The following ABCG2 variants were observed in gnomAD, a reference collection of about 807,000 sequenced individuals.
The protein encoded by ABCG2 is broad substrate specificity ATP-binding cassette transporter ABCG2.
A neutral mutation model predicts 73.5 loss-of-function variants in ABCG2; 80 were observed. The observed-to-expected ratio is 1.09, with a 90% CI of 0.91 to 1.31. The LOEUF is 1.31. Among genes scored for constraint, ABCG2 ranks in the 50% most tolerant of loss-of-function variants. The pLI is 0.00. For synonymous variants in ABCG2, 269 were observed against 282.4 expected, an observed-to-expected ratio of 0.95 and a Z score of 0.48; for missense variants, 796 against 786.2, an observed-to-expected ratio of 1.01 and a Z score of -0.15.
intron 1 of ABCG2, among the ~76,000 whole-genome samples, chr4:88,149,743 C>T (rs755648897): frequency 3.3e-5 from 5 of 151,992 alleles, no homozygotes; most frequent in Non-Finnish European, 5.9e-5. Context: ...CCCAGCCACT[C>T]GGGAGGCTGA....
intron 9 of ABCG2, among the ~76,000 whole-genome samples, chr4:88,110,951 T>C (rs1441906963): frequency 6.6e-6 from 1 of 152,212 alleles, no homozygotes; most frequent in Non-Finnish European, 1.5e-5. Flanking sequence ...AGACTGCCAC[T>C]GCTCTGAACA....
At chr4:88,133,290 A>G (rs546620562) in intron 2 of ABCG2, among the ~76,000 whole-genome samples, 1 of 152,348 alleles carries the variant, frequency 6.6e-6, no homozygotes, top group East Asian at 1.9e-4. Context: ...AAATCTAATC[A>G]GCCCAAGAAA....
At chr4:88,176,455 A>T (rs989280829) in intron 1 of ABCG2, among the ~76,000 whole-genome samples, 4 of 150,572 alleles carry the variant, frequency 2.7e-5, no homozygotes, top group Non-Finnish European at 4.4e-5. Context: ...TAATAAATAC[A>T]GTAATGAAAC....
intron 1 of ABCG2, among the ~76,000 whole-genome samples, chr4:88,154,618 G>A (rs956522325): frequency 6.6e-6 from 1 of 152,124 alleles, no homozygotes; most frequent in African/African-American, 2.4e-5. Flanking sequence ...AGGAAAGAAG[G>A]AAATATGCGG....
At chr4:88,098,523 AATAC>A (rs1320591184) in intron 12 of ABCG2, among the ~76,000 whole-genome samples, 1 of 151,172 alleles carries the variant, frequency 6.6e-6, no homozygotes, top group African/African-American at 2.4e-5. Flanking sequence ...ATATTAAATA[AATAC>A]ATATATATAT....
Position 88,139,790 on chromosome 4 carries a change from T to C in ABCG2, c.203+3A>G. 1.2e-6 allele frequency: 2 copies of C among 1,612,698 alleles called. No homozygotes were observed. On this transcript the variant is annotated splice_donor_region_variant and intron_variant, in intron 2 of 15. Coordinates refer to ENST00000237612, the MANE Select transcript of ABCG2 (RefSeq NM_004827.3). ...CTGTCTTTTTACAAGTTCATGTACA[T>C]ACTTGATATTCGATAATATTTCTTT... is the stretch of plus-strand genomic sequence containing the variant.
At chr4:88,100,653 A>T (rs111370123) in intron 11 of ABCG2, among the ~76,000 whole-genome samples, 3 of 152,110 alleles carry the variant, frequency 2.0e-5, no homozygotes, top group Admixed American at 6.6e-5. Flanking sequence ...CTGTCTCCAA[A>T]AAATAAATAA....
intron 1 of ABCG2, among the ~76,000 whole-genome samples, chr4:88,194,417 G>C (rs1026440605): frequency 1.3e-5 from 2 of 151,890 alleles, no homozygotes; most frequent in Non-Finnish European, 1.5e-5. Flanking sequence ...GGGCATGGTG[G>C]CAGGCGCCTG....
intron 7 of ABCG2, among the ~76,000 whole-genome samples, 198 bp from the exon 8 acceptor site, chr4:88,115,256 CTATATATATA>C (rs1553933372): frequency 2.9e-5 from 2 of 69,872 alleles, no homozygotes; most frequent in Admixed American, 1.8e-4. Flanking sequence ...CTCTCTCTCT[CTATATATATA>C]TATATATATA....
chr4:88,196,152 C>T (rs1728935951), intron 1 of ABCG2, among the ~76,000 whole-genome samples: 1 of 152,134 alleles, frequency 6.6e-6, no homozygotes, highest in Admixed American at 6.5e-5. Flanking sequence ...ACTCCTGCCC[C>T]GCACATTTCT....
chr4:88,189,644 G>A (rs536138392), intron 1 of ABCG2, among the ~76,000 whole-genome samples: 1 of 152,162 alleles, frequency 6.6e-6, no homozygotes, highest in Non-Finnish European at 1.5e-5. Context: ...TTCGTGTGTG[G>A]AATCTTTAAG....
At chr4:88,121,607 T>C (rs1723980744) in intron 6 of ABCG2, 28 bp downstream of exon 6, 1 of 1,606,888 alleles carries the variant, frequency 6.2e-7, no homozygotes, top group South Asian at 1.1e-5. Context: ...AGATATTAAC[T>C]AAAGAATAAT....
intron 15 of ABCG2, among the ~76,000 whole-genome samples, chr4:88,092,783 T>C (rs975764418): frequency 3.7e-4 from 57 of 152,362 alleles, no homozygotes; most frequent in African/African-American, 1.3e-3. Flanking sequence ...CCCTTATCCC[T>C]GATAAAGAAA....
chr4:88,195,908 A>G (rs1728924468), intron 1 of ABCG2, among the ~76,000 whole-genome samples: 1 of 152,178 alleles, frequency 6.6e-6, no homozygotes, highest in East Asian at 1.9e-4. Context: ...GCCATATACC[A>G]GTTAAACTCG....
chr4:88,137,487 A>T (rs1725333207), intron 2 of ABCG2, among the ~76,000 whole-genome samples: 1 of 152,216 alleles, frequency 6.6e-6, no homozygotes, highest in East Asian at 1.9e-4. Context: ...TAACATCACC[A>T]GGGGTGGGAT....
chr4:88,176,234 A>G (rs1302849366), intron 1 of ABCG2, among the ~76,000 whole-genome samples: 2 of 151,882 alleles, frequency 1.3e-5, no homozygotes, highest in African/African-American at 2.4e-5. Flanking sequence ...GAATCAAGCA[A>G]TCTACCTGCC....
At chr4:88,165,144 G>T (rs1727464919) in intron 1 of ABCG2, among the ~76,000 whole-genome samples, 1 of 152,120 alleles carries the variant, frequency 6.6e-6, no homozygotes. Flanking sequence ...CTTTCTCTCT[G>T]AAGTTGATGG....
rs1207321662 is a variant in ABCG2 at position 88,129,208 on chromosome 4, C to G, written c.531+1853G>C. Among the ~76,000 whole-genome samples the G allele has an allele frequency of 3.3e-5, 5 of 152,084 alleles. No homozygotes were observed. The East Asian group carries it at 9.6e-4, about 29-fold the overall frequency. ...TAACACCTTTTCAATTACCATGAGG[C>G]TCCCCAAATTGACCCCATATATACC... On this transcript the variant is annotated intron_variant, in intron 5 of 15. Coordinates refer to ENST00000237612, the MANE Select transcript of ABCG2 (RefSeq NM_004827.3).
intron 6 of ABCG2, among the ~76,000 whole-genome samples, chr4:88,118,827 A>ATAT (rs150166697): frequency 7.9e-5 from 12 of 152,090 alleles, no homozygotes; most frequent in Admixed American, 4.6e-4. Flanking sequence ...GGCAGTTCCA[A>ATAT]TATTATTATT....
Sources: allele counts gnomAD v4.1 joint callset (sites outside exome capture counted in the v4.1 genomes callset), GRCh38; gene constraint gnomAD v4.1.1; transcripts MANE v1.5; gene names NCBI Gene and HGNC (gene_info 2026-07-23, HGNC 2026-07-21).